PRKAG2: variants seen among roughly 807,000 people sequenced by gnomAD.
PRKAG2 encodes the protein 5'-AMP-activated protein kinase subunit gamma-2.
A neutral mutation model predicts 69.6 loss-of-function variants in PRKAG2; 26 were observed. The observed-to-expected ratio is 0.37, with a 90% CI of 0.27 to 0.52. The LOEUF (loss-of-function observed/expected upper bound fraction) is 0.52, where lower values mean the gene tolerates loss of function less well. PRKAG2 is among the 20% of genes least tolerant of loss of function. The pLI is 0.90. For synonymous variants in PRKAG2, 293 were observed against 285.0 expected (o/e 1.03, Z -0.28); for missense variants, 557 against 740.0 (o/e 0.75, Z 2.87).
chr7:151,577,030 C>G (rs1044527905), intron 6 of PRKAG2, among the ~76,000 whole-genome samples: 3 of 151,640 alleles, frequency 2.0e-5, no homozygotes, highest in African/African-American at 7.3e-5. Flanking sequence ...TACATACATA[C>G]TTTATGTAAT....
chr7:151,747,031 G>A (rs2074327508), intron 3 of PRKAG2, among the ~76,000 whole-genome samples: 1 of 152,198 alleles, frequency 6.6e-6, no homozygotes, highest in African/African-American at 2.4e-5. Context: ...TGATGGGGCG[G>A]GGGAGAGGGT....
At chr7:151,874,755 G>A (rs2080347177) in intron 1 of PRKAG2, among the ~76,000 whole-genome samples, 1 of 152,182 alleles carries the variant, frequency 6.6e-6, no homozygotes, top group African/African-American at 2.4e-5. Flanking sequence ...GGGTGTGGTG[G>A]CACATGCCTG....
At chr7:151,636,344 A>G (rs1230413136) in intron 4 of PRKAG2, among the ~76,000 whole-genome samples, 4 of 152,100 alleles carry the variant, frequency 2.6e-5, no homozygotes, top group Non-Finnish European at 1.5e-5. Flanking sequence ...ACCCATCCCT[A>G]GGCAACTATT....
At position 151,632,396 on chromosome 7, in the gene PRKAG2, C is replaced by T. The variant is rs1347990846; in HGVS notation, c.685-258G>A. 1.4e-5 allele frequency: 7 copies of T among 483,464 alleles called. No individual in the cohort carries two copies. The highest frequency in any genetic ancestry group is 1.9e-5 in the Non-Finnish European group (7 of 373,156). 29.9% of individuals were successfully genotyped at this position (483,464 alleles called of 1,614,324 possible). On this transcript the variant is annotated intron_variant, in intron 4 of 15. Coordinates refer to ENST00000287878, the MANE Select transcript of PRKAG2 (RefSeq NM_016203.4). This position sits in a 1 kb window ranked among gnomAD's most constrained non-coding sequence, Gnocchi z 4.2. Reference sequence around the variant, plus strand: ...GCGAGTGGGACGCGCCGCTCCCCCCCGCGCCTTGGTACGGCCCGCCCGGGA... The same window carrying T: ...GCGAGTGGGACGCGCCGCTCCCCCCTGCGCCTTGGTACGGCCCGCCCGGGA...
At chr7:151,707,851 C>CG (rs1838890820) in intron 3 of PRKAG2, among the ~76,000 whole-genome samples, 1 of 152,242 alleles carries the variant, frequency 6.6e-6, no homozygotes, top group Non-Finnish European at 1.5e-5. Context: ...CCGGGGCCAC[C>CG]GGGGCCAAAG....
chr7:151,623,363 C>CAAAAAAAA (rs71198724), intron 5 of PRKAG2, among the ~76,000 whole-genome samples: 9 of 36,674 alleles, frequency 2.5e-4, no homozygotes, highest in Admixed American at 5.1e-4. Flanking sequence ...GACTCTGTCT[C>CAAAAAAAA]AAAAAAAAAA....
intron 5 of PRKAG2, among the ~76,000 whole-genome samples, chr7:151,622,426 C>A (rs1396143793): frequency 6.6e-6 from 1 of 152,188 alleles, no homozygotes; most frequent in African/African-American, 2.4e-5. Context: ...AGAATTACTA[C>A]TGCAAATCAA....
intron 1 of PRKAG2, among the ~76,000 whole-genome samples, chr7:151,816,223 T>C (rs1216936352): frequency 6.6e-6 from 1 of 152,190 alleles, no homozygotes; most frequent in Admixed American, 6.5e-5. Flanking sequence ...CTCAGAGACC[T>C]GACAAATCAC....
chr7:151,731,535 T>TGTGTGTGCGCGC (rs10689682), intron 3 of PRKAG2, among the ~76,000 whole-genome samples: 1 of 151,582 alleles, frequency 6.6e-6, no homozygotes, highest in African/African-American at 2.4e-5. Flanking sequence ...TGTGTGTGTG[T>TGTGTGTGCGCGC]GCGCACAGGT....
Position 151,874,279 on chromosome 7 carries a change from ATATATGTATATGTATATGATG to A in PRKAG2, c.114+2207_114+2227del, listed in dbSNP as rs1563772798. Among the ~76,000 whole-genome samples, 459 of 63,222 alleles carry A rather than the reference ATATATGTATATGTATATGATG, an allele frequency of 7.3e-3. 3 individuals are homozygous for A. Among genetic ancestry groups the A allele is most frequent in the Middle Eastern group, 8.9e-3 (1 of 112 alleles). The allele number at this position is 63,222 out of a possible 152,430, so 41.5% of individuals were successfully genotyped here. ...TGATGTATATGTATATGTATATGAT[ATATATGTATATGTATATGATG>A]TATATGTATATGTATATGATGTATA... On this transcript the variant is annotated intron_variant, in intron 1 of 15. Coordinates refer to ENST00000287878, the MANE Select transcript of PRKAG2 (RefSeq NM_016203.4).
At chr7:151,819,779 T>C (rs1038022759) in intron 1 of PRKAG2, among the ~76,000 whole-genome samples, 1 of 152,138 alleles carries the variant, frequency 6.6e-6, no homozygotes, top group Non-Finnish European at 1.5e-5. Flanking sequence ...GAGCCTCAAA[T>C]GTGGGATGGG....
chr7:151,795,521 G>A (rs371215830), intron 1 of PRKAG2, among the ~76,000 whole-genome samples: 215 of 152,240 alleles, frequency 1.4e-3, no homozygotes, highest in African/African-American at 4.7e-3. Flanking sequence ...AGTCAGTAAC[G>A]GTTAATTTGA....
chr7:151,669,267 G>A (rs1831475913), intron 4 of PRKAG2, among the ~76,000 whole-genome samples: 1 of 152,156 alleles, frequency 6.6e-6, no homozygotes, highest in African/African-American at 2.4e-5. Flanking sequence ...ATCTACACTA[G>A]AGATCACCAC....
Position 151,567,425 on chromosome 7 carries a change from G to A in PRKAG2, c.1233+1291C>T, listed in dbSNP as rs1210018363. ...TGCTTAGAACAGTGCCGGACATACA[G>A]TAATCAGCTCTCATGATTAATATTA... is the stretch of plus-strand genomic sequence containing the variant. On this transcript the variant is annotated intron_variant, in intron 11 of 15. Coordinates refer to ENST00000287878, the MANE Select transcript of PRKAG2 (RefSeq NM_016203.4). The surrounding 1 kb of genome is among the most constrained non-coding windows in gnomAD (Gnocchi z 4.2). Among the ~76,000 whole-genome samples, 1 of 152,166 alleles carries A rather than the reference G, an allele frequency of 6.6e-6. No homozygotes were observed. The highest frequency in any genetic ancestry group is 2.4e-5 in the African/African-American group (1 of 41,432).
chr7:151,604,495 A>T (rs2151184020), intron 5 of PRKAG2, among the ~76,000 whole-genome samples: 1 of 152,122 alleles, frequency 6.6e-6, no homozygotes, highest in Admixed American at 6.5e-5. Context: ...AAAATTAGCC[A>T]GGTGTGGTGG....
At chr7:151,650,961 T>C (rs73728219) in intron 4 of PRKAG2, among the ~76,000 whole-genome samples, 13,335 of 152,248 alleles carry the variant, frequency 0.088, 1,618 homozygotes, top group African/African-American at 0.27. Context: ...TGAAAAATTG[T>C]AGTTATTTGG....
At chr7:151,870,154 T>TAGATAGATAGATAGGCAGGCAGGCAGGC (rs1159760978) in intron 1 of PRKAG2, among the ~76,000 whole-genome samples, 2 of 138,320 alleles carry the variant, frequency 1.4e-5, no homozygotes, top group African/African-American at 5.5e-5. Context: ...GATAGATAGA[T>TAGATAGATAGATAGGCAGGCAGGCAGGC]AGGCAGGCAG....
chr7:151,574,870 A>G (rs1305752145), intron 8 of PRKAG2, 21 bp downstream of exon 8: 3 of 1,613,544 alleles, frequency 1.9e-6, no homozygotes, highest in Non-Finnish European at 2.5e-6. Flanking sequence ...AACTACTGAC[A>G]TAGGAACTGG....
At chr7:151,872,282 C>G (rs1468890556) in intron 1 of PRKAG2, among the ~76,000 whole-genome samples, 1 of 151,946 alleles carries the variant, frequency 6.6e-6, no homozygotes, top group Non-Finnish European at 1.5e-5. Flanking sequence ...CGGACCCTTA[C>G]CCTGGGGGGG....
Sources: allele counts gnomAD v4.1 joint callset (sites outside exome capture counted in the v4.1 genomes callset), GRCh38; gene constraint gnomAD v4.1.1; non-coding constraint Gnocchi (gnomAD v3.1); transcripts MANE v1.5; gene names NCBI Gene and HGNC (gene_info 2026-07-23, HGNC 2026-07-21).